The following THSD7A variants were observed in gnomAD, a reference collection of about 807,000 sequenced individuals.
The protein encoded by THSD7A is thrombospondin type 1 domain containing 7A.
Under a neutral mutation model 231.3 loss-of-function variants are expected in THSD7A, and 96 were observed. That is an observed-to-expected ratio of 0.41 (90% CI 0.35 to 0.49). The LOEUF is 0.49. Among genes scored for constraint, THSD7A ranks in the 20% least tolerant of loss-of-function variants. THSD7A has a pLI of 0.05. For synonymous variants in THSD7A, 940 were observed against 743.3 expected (o/e 1.26, Z -4.30); for missense variants, 2,290 against 2,070.2 (o/e 1.11, Z -2.06).
chr7:11,421,255 T>C (rs1379784480), intron 16 of THSD7A, among the ~76,000 whole-genome samples: 1 of 152,178 alleles, frequency 6.6e-6, no homozygotes, highest in African/African-American at 2.4e-5. Context: ...GATTGGATCA[T>C]AGGGCAGATT....
intron 1 of THSD7A, among the ~76,000 whole-genome samples, chr7:11,807,099 CT>C (rs1784418819): frequency 6.6e-6 from 1 of 152,064 alleles, no homozygotes; most frequent in African/African-American, 2.4e-5. Flanking sequence ...CTACTAAGTA[CT>C]TTTTTACTCT....
intron 1 of THSD7A, among the ~76,000 whole-genome samples, chr7:11,775,183 G>A (rs538451379): frequency 5.3e-5 from 8 of 152,104 alleles, no homozygotes; most frequent in Middle Eastern, 3.4e-3. Context: ...TTTAAAAAAC[G>A]GCACAGAAAA....
chr7:11,377,849 G>C lies in THSD7A; in HGVS notation c.4802-1192C>G, dbSNP rs958917729. ...AACTATATATAAAATTTAAAATAAT[G>C]ACAATAATATTCTTTTTTTTTTCAA... On this transcript the variant is annotated intron_variant, in intron 26 of 27. Coordinates refer to ENST00000423059, the MANE Select transcript of THSD7A (RefSeq NM_015204.3). This position sits in a 1 kb window ranked among gnomAD's most constrained non-coding sequence, Gnocchi z 4.5. 1 of 151,776 alleles carries C rather than the reference G, an allele frequency of 6.6e-6. No homozygotes were observed. Among genetic ancestry groups the C allele is most frequent in the African/African-American group, 2.4e-5 (1 of 41,340 alleles). The allele number at this position is 151,776 out of a possible 1,614,324, so 9.4% of individuals were successfully genotyped here.
intron 23 of THSD7A, among the ~76,000 whole-genome samples, chr7:11,400,925 G>A (rs11761309): frequency 0.013 from 2,039 of 152,140 alleles, 22 homozygotes; most frequent in Non-Finnish European, 0.022. Context: ...TCGAGTCTTC[G>A]GGTGTTGTTT....
intron 4 of THSD7A, among the ~76,000 whole-genome samples, chr7:11,559,230 G>A (rs73288866): frequency 1.3e-3 from 202 of 152,294 alleles, no homozygotes; most frequent in African/African-American, 4.7e-3. Flanking sequence ...AACCCTGTCA[G>A]CTCCTTGATT....
intron 1 of THSD7A, among the ~76,000 whole-genome samples, chr7:11,679,480 T>C (rs1584198831): frequency 6.6e-6 from 1 of 152,334 alleles, no homozygotes; most frequent in South Asian, 2.1e-4. Flanking sequence ...CTTTTTAAGC[T>C]GATAAGCAAC....
At chr7:11,788,099 T>TA (rs923167256) in intron 1 of THSD7A, among the ~76,000 whole-genome samples, 11 of 152,074 alleles carry the variant, frequency 7.2e-5, no homozygotes, top group African/African-American at 2.7e-4. Context: ...ACCACCATCC[T>TA]ACAAGTACCC....
intron 1 of THSD7A, among the ~76,000 whole-genome samples, chr7:11,730,289 G>C (rs545419263): frequency 6.6e-6 from 1 of 151,460 alleles, no homozygotes; most frequent in South Asian, 2.1e-4. Context: ...TAACAAAATC[G>C]AGTAATATTC....
intron 23 of THSD7A, among the ~76,000 whole-genome samples, chr7:11,390,448 T>C (rs551410916): frequency 6.6e-6 from 1 of 152,374 alleles, no homozygotes; most frequent in South Asian, 2.1e-4. Flanking sequence ...GTTTTTCAGC[T>C]CCATCAGGTC....
At chr7:11,395,560 C>A (rs1399076946) in intron 23 of THSD7A, among the ~76,000 whole-genome samples, 1 of 149,142 alleles carries the variant, frequency 6.7e-6, no homozygotes, top group Non-Finnish European at 1.5e-5. Flanking sequence ...CAGAATCTTG[C>A]TCTGTCACCC....
chr7:11,622,898 G>C (rs558422916), intron 2 of THSD7A, among the ~76,000 whole-genome samples: 2 of 152,118 alleles, frequency 1.3e-5, no homozygotes, highest in Non-Finnish European at 2.9e-5. Context: ...TTATAACATA[G>C]GTATCCCTTA....
At chr7:11,696,329 T>A (rs2128143295) in intron 1 of THSD7A, among the ~76,000 whole-genome samples, 1 of 151,710 alleles carries the variant, frequency 6.6e-6, no homozygotes, top group African/African-American at 2.4e-5. Context: ...ACTTCTTGTG[T>A]GACTTCATTA....
intron 1 of THSD7A, among the ~76,000 whole-genome samples, chr7:11,811,241 C>CAA (rs1784521207): frequency 6.6e-6 from 1 of 152,094 alleles, no homozygotes; most frequent in African/African-American, 2.4e-5. Flanking sequence ...CACACACACA[C>CAA]GAAACAATGC....
At chr7:11,612,344 C>T (rs183913212) in intron 2 of THSD7A, among the ~76,000 whole-genome samples, 9 of 152,300 alleles carry the variant, frequency 5.9e-5, no homozygotes, top group Middle Eastern at 3.4e-3. Context: ...GAAGAGGTCT[C>T]ATGGAAAGTC....
chr7:11,498,813 G>GT (rs1010202442), intron 6 of THSD7A, among the ~76,000 whole-genome samples: 1 of 152,124 alleles, frequency 6.6e-6, no homozygotes, highest in Non-Finnish European at 1.5e-5. Context: ...GTCTTCACTG[G>GT]TGATACCTCC....
At chr7:11,401,643 C>T (rs1307442099) in intron 23 of THSD7A, among the ~76,000 whole-genome samples, 152 bp downstream of exon 23, 1 of 152,136 alleles carries the variant, frequency 6.6e-6, no homozygotes, top group Non-Finnish European at 1.5e-5. Flanking sequence ...AACTCCTGGC[C>T]TCAGGTGATC....
At chr7:11,744,838 T>C (rs1782230717) in intron 1 of THSD7A, among the ~76,000 whole-genome samples, 1 of 152,108 alleles carries the variant, frequency 6.6e-6, no homozygotes, top group South Asian at 2.1e-4. Flanking sequence ...ATCCAGTCTA[T>C]CATTTTTTGG....
At chr7:11,589,178 G>A (rs1178312119) in intron 4 of THSD7A, among the ~76,000 whole-genome samples, 1 of 151,970 alleles carries the variant, frequency 6.6e-6, no homozygotes, top group Non-Finnish European at 1.5e-5. Flanking sequence ...TCATCTGGTG[G>A]TATCAAATAG....
chr7:11,458,497 T>C (rs1158719592), intron 11 of THSD7A, among the ~76,000 whole-genome samples: 1 of 152,180 alleles, frequency 6.6e-6, no homozygotes, highest in East Asian at 1.9e-4. Context: ...TCACTTGTTA[T>C]AATGCAACTT....
Sources: gnomAD v4.1 joint callset for allele counts (sites outside exome capture counted in the v4.1 genomes callset) on GRCh38, gnomAD v4.1.1 for gene constraint, Gnocchi (gnomAD v3.1) non-coding constraint, MANE v1.5 for transcripts, NCBI Gene and HGNC (gene_info 2026-07-23, HGNC 2026-07-21) for gene names.